Variants in VTCN1 observed in about 807,000 individuals in gnomAD.
VTCN1 encodes the protein V-set domain containing T cell activation inhibitor 1.
A neutral mutation model predicts 26.5 loss-of-function variants in VTCN1; 26 were observed. The observed-to-expected ratio is 0.98, with a 90% CI of 0.72 to 1.36. The LOEUF (loss-of-function observed/expected upper bound fraction) is 1.36. VTCN1 is among the 40% of genes most tolerant of loss of function. The pLI is 0.00. For synonymous variants in VTCN1, 116 were observed against 130.7 expected, an observed-to-expected ratio of 0.89 and a Z score of 0.77; for missense variants, 298 against 337.7, an observed-to-expected ratio of 0.88 and a Z score of 0.92.
intron 1 of VTCN1, among the ~76,000 whole-genome samples, chr1:117,196,389 CATAT>C (rs751834042): frequency 2.7e-5 from 4 of 148,246 alleles, no homozygotes; most frequent in Non-Finnish European, 4.5e-5. Flanking sequence ...GTATTAAATA[CATAT>C]ATATATATAT....
At chr1:117,191,140 T>C (rs1371526503) in intron 1 of VTCN1, among the ~76,000 whole-genome samples, 3 of 152,134 alleles carry the variant, frequency 2.0e-5, no homozygotes, top group Non-Finnish European at 4.4e-5. Flanking sequence ...AAACATTTGA[T>C]AGAGGGCTTC....
intron 1 of VTCN1, among the ~76,000 whole-genome samples, chr1:117,186,833 G>A (rs1647968338): frequency 6.6e-6 from 1 of 152,038 alleles, no homozygotes; most frequent in Non-Finnish European, 1.5e-5. Flanking sequence ...TTCGAGACCA[G>A]CCTGGGCAAC....
intron 1 of VTCN1, among the ~76,000 whole-genome samples, chr1:117,177,166 A>G (rs774563528): frequency 3.9e-5 from 6 of 152,178 alleles, no homozygotes; most frequent in Non-Finnish European, 8.8e-5. Context: ...CTTTATGGGG[A>G]AAAAGTATTT....
In VTCN1 at chr1:117,153,223, T is replaced by C; in HGVS notation, c.592A>G (p.Ser198Gly). ...ACATTCTCAGAGTTCAGCTCAAAGC[T>C]GGTATTGGAGACTTCCGAGAAGTTG... ...GANFSEVSNT[S>G]FELNSENVTM... The change falls in exon 4 of 6, where the codon AGC becomes GGC. Residue 198 changes from serine to glycine, a missense_variant. Transcript: ENST00000369458. 1 of 1,614,100 alleles carries C rather than the reference T, an allele frequency of 6.2e-7. No homozygotes were observed. The highest frequency in any genetic ancestry group is 8.5e-7 in the Non-Finnish European group (1 of 1,180,006).
At chr1:117,177,114 A>AG (rs1379281791) in intron 1 of VTCN1, among the ~76,000 whole-genome samples, 51 of 152,360 alleles carry the variant, frequency 3.3e-4, no homozygotes, top group African/African-American at 1.2e-3. Flanking sequence ...AACCAAAAAA[A>AG]CAAAAAAGGA....
At chr1:117,171,722 C>T (rs1010188335) in intron 1 of VTCN1, among the ~76,000 whole-genome samples, 11 of 152,152 alleles carry the variant, frequency 7.2e-5, no homozygotes, top group African/African-American at 2.7e-4. Flanking sequence ...ATTTAGTAAC[C>T]TTAGGAGGAG....
chr1:117,170,381 GAA>G (rs1652845306), intron 1 of VTCN1: 1 of 656,754 alleles, frequency 1.5e-6, no homozygotes, highest in African/African-American at 1.8e-5. Context: ...TGGGATCAAT[GAA>G]AAGAGTGACC....
intron 2 of VTCN1, among the ~76,000 whole-genome samples, chr1:117,158,203 G>A (rs781663416): frequency 6.6e-6 from 1 of 152,228 alleles, no homozygotes; most frequent in African/African-American, 2.4e-5. Flanking sequence ...ACTAAGTGGT[G>A]CACCAGGGGG....
At chr1:117,194,887 T>A in intron 1 of VTCN1, among the ~76,000 whole-genome samples, 1 of 151,978 alleles carries the variant, frequency 6.6e-6, no homozygotes, top group Non-Finnish European at 1.5e-5. Context: ...AATGGAGAGG[T>A]GTTAGTCAAA....
intron 1 of VTCN1, among the ~76,000 whole-genome samples, chr1:117,194,519 G>T (rs780417930): frequency 6.6e-6 from 1 of 152,160 alleles, no homozygotes; most frequent in Non-Finnish European, 1.5e-5. Context: ...TCACTACTGG[G>T]TATATATCCA....
At chr1:117,209,975 G>T (rs145927561) in intron 1 of VTCN1, among the ~76,000 whole-genome samples, 441 of 152,274 alleles carry the variant, frequency 2.9e-3, no homozygotes, top group African/African-American at 0.01. Flanking sequence ...GAAACAAATT[G>T]GAGGACTGGT....
At chr1:117,171,324 G>T (rs945902481) in intron 1 of VTCN1, among the ~76,000 whole-genome samples, 1 of 152,178 alleles carries the variant, frequency 6.6e-6, no homozygotes, top group Non-Finnish European at 1.5e-5. Context: ...ATGTGTGCAT[G>T]TATCTCTATA....
In VTCN1 at chr1:117,161,986, T is replaced by A. The variant is rs1652390265; in HGVS notation, c.98-5065A>T. ...TATTACTGAATTAATTTTAATATGTTGGCCTTGAGCTCACAGTTAGGGAAT... is the reference window on the plus strand; with the variant it reads ...TATTACTGAATTAATTTTAATATGTAGGCCTTGAGCTCACAGTTAGGGAAT... On this transcript the variant is annotated intron_variant, in intron 2 of 5. Transcript: ENST00000369458. This position sits in a 1 kb window ranked among gnomAD's most constrained non-coding sequence, Gnocchi z 4.3. Among the ~76,000 whole-genome samples the A allele has an allele frequency of 6.6e-6, 1 of 152,220 alleles. No homozygotes were observed. Among genetic ancestry groups the A allele is most frequent in the Admixed American group, 6.5e-5 (1 of 15,276 alleles).
At chr1:117,203,852 T>C (rs1648912975) in intron 1 of VTCN1, 1 of 907,050 alleles carries the variant, frequency 1.1e-6, no homozygotes, top group Non-Finnish European at 1.3e-6. Context: ...GCCCCCAGAA[T>C]TTCTGATTCT....
At position 117,146,307 on chromosome 1, in the gene VTCN1, G is replaced by A. The variant is rs186544768; in HGVS notation, c.*46-1082C>T. On this transcript the variant is annotated intron_variant, in intron 5 of 5. Coordinates refer to ENST00000369458, the MANE Select transcript of VTCN1 (RefSeq NM_024626.4). This position sits in a 1 kb window ranked among gnomAD's most constrained non-coding sequence, Gnocchi z 4.2. ...CTGACAACTGTGGAGGATTGGAAAT[G>A]ATGAAAACTGGCGGGTTTCCTTACA... 0.027 allele frequency among the ~76,000 whole-genome samples: 4,046 copies of A among 152,268 alleles called. 166 individuals carry two copies. Among genetic ancestry groups the A allele is most frequent in the African/African-American group, 0.092 (3,836 of 41,530 alleles).
At chr1:117,185,017 T>C (rs1647866834) in intron 1 of VTCN1, among the ~76,000 whole-genome samples, 1 of 152,158 alleles carries the variant, frequency 6.6e-6, no homozygotes, top group Non-Finnish European at 1.5e-5. Context: ...TGCTGGTACC[T>C]CTAATGCTGC....
intron 1 of VTCN1, among the ~76,000 whole-genome samples, chr1:117,208,113 G>C (rs1265992214): frequency 6.6e-6 from 1 of 152,154 alleles, no homozygotes; most frequent in African/African-American, 2.4e-5. Context: ...ACAAATCCCA[G>C]TTCTGAGTCT....
chr1:117,170,265 G>A (rs769327011), intron 1 of VTCN1, 94 bp from the exon 2 acceptor site: 3 of 1,192,678 alleles, frequency 2.5e-6, no homozygotes, highest in South Asian at 1.2e-5. Flanking sequence ...TGGATAAGAT[G>A]AGTTACATAA....
At chr1:117,153,515 C>T (rs1651913039) in intron 3 of VTCN1, 146 bp from the exon 4 acceptor site, 1 of 871,746 alleles carries the variant, frequency 1.1e-6, no homozygotes, top group Non-Finnish European at 1.7e-6. Flanking sequence ...CTCAGAGGTC[C>T]ACCTGTGTAT....
Sources: gnomAD v4.1 joint callset for allele counts (sites outside exome capture counted in the v4.1 genomes callset) on GRCh38, gnomAD v4.1.1 for gene constraint, Gnocchi (gnomAD v3.1) non-coding constraint, MANE v1.5 for transcripts, NCBI Gene and HGNC (gene_info 2026-07-23, HGNC 2026-07-21) for gene names.